The following PAX3 variants were observed in gnomAD, a reference collection of about 807,000 sequenced individuals.
PAX3 encodes the protein paired box protein Pax-3.
In PAX3, 14 loss-of-function variants were observed where a neutral mutation model predicts 51.6. The ratio of observed to expected loss-of-function variants is 0.27; its 90% CI spans 0.18 to 0.42. The LOEUF (loss-of-function observed/expected upper bound fraction) is 0.42, where lower values mean the gene tolerates loss of function less well. Among genes scored for constraint, PAX3 ranks in the 10% least tolerant of loss-of-function variants. The pLI is 1.00. For missense variants in PAX3, 540 were observed against 642.8 expected (o/e 0.84, Z 1.73); for synonymous variants, 280 against 253.4 (o/e 1.11, Z -1.00).
Position 222,232,202 on chromosome 2 carries a change from C to T in PAX3, c.668G>A (p.Arg223Gln), listed in dbSNP as rs876657717. The change falls in exon 5 of 9, where the codon CGA becomes CAA. Residue 223 changes from arginine to glutamine, a missense_variant. Arg to Gln is a conservative substitution (Grantham distance 43, BLOSUM62 1). This residue lies in a region of PAX3 where 427 missense variants were observed against 483.6 expected (regional missense o/e 0.88). Transcript: ENST00000392070. ...CAGCTGTTCTGCTGTGAAGGTGGTTCGGCTTCTGCGCTGTTTCCTCTTTAG... is the reference window on the plus strand; with the variant it reads ...CAGCTGTTCTGCTGTGAAGGTGGTTTGGCTTCTGCGCTGTTTCCTCTTTAG... The part of the protein sequence containing the change: ...LPLKRKQRRS[R>Q]TTFTAEQLEE... 1 of 1,614,044 alleles carries T rather than the reference C, an allele frequency of 6.2e-7. No homozygotes were observed. The highest frequency in any genetic ancestry group is 1.1e-5 in the South Asian group (1 of 91,086).
intron 4 of PAX3, 144 bp downstream of exon 4, chr2:222,294,023 A>C: frequency 6.4e-7 from 1 of 1,551,978 alleles, no homozygotes; most frequent in Non-Finnish European, 8.7e-7. Context: ...TTTCAGTTCC[A>C]TGTCGTTACT....
At chr2:222,208,678 C>A (rs1691604998) in intron 7 of PAX3, among the ~76,000 whole-genome samples, 1 of 152,156 alleles carries the variant, frequency 6.6e-6, no homozygotes, top group Non-Finnish European at 1.5e-5. Flanking sequence ...TGTGCTCAAA[C>A]CTATCACTGT....
chr2:222,262,109 T>A (rs1435170532), intron 4 of PAX3, among the ~76,000 whole-genome samples: 1 of 152,272 alleles, frequency 6.6e-6, no homozygotes, highest in Non-Finnish European at 1.5e-5. Flanking sequence ...TAGACTCATA[T>A]GTTTGGCTTC....
At chr2:222,208,069 T>C (rs1691583637) in intron 7 of PAX3, among the ~76,000 whole-genome samples, 1 of 151,834 alleles carries the variant, frequency 6.6e-6, no homozygotes, top group Non-Finnish European at 1.5e-5. Context: ...ATCACGTCCA[T>C]CTATTATCAG....
At position 222,206,289 on chromosome 2, in the gene PAX3, C is replaced by G. The variant is rs558548807; in HGVS notation, c.1174-4099G>C. Among the ~76,000 whole-genome samples the G allele has an allele frequency of 4.6e-5, 7 of 152,034 alleles. No homozygotes were observed. In the South Asian group the frequency reaches 1.5e-3, roughly 32 times the overall value. ...AAATGCCAGGTAAATCCAGGAGATGCAATGACCAGAAAGAGTTTTTCTTTA... is the reference window on the plus strand; with the variant it reads ...AAATGCCAGGTAAATCCAGGAGATGGAATGACCAGAAAGAGTTTTTCTTTA... On this transcript the variant is annotated intron_variant, in intron 7 of 8. Transcript: ENST00000392070.
At chr2:222,208,041 C>T (rs1691582373) in intron 7 of PAX3, among the ~76,000 whole-genome samples, 1 of 151,022 alleles carries the variant, frequency 6.6e-6, no homozygotes, top group African/African-American at 2.4e-5. Context: ...TTACTTCTAG[C>T]CAGTGATGAA....
At chr2:222,246,523 C>T (rs1467396079) in intron 4 of PAX3, among the ~76,000 whole-genome samples, 4 of 151,560 alleles carry the variant, frequency 2.6e-5, no homozygotes, top group Non-Finnish European at 5.9e-5. Flanking sequence ...AATGATAGTC[C>T]CAGAACCAAA....
chr2:222,251,178 T>C (rs893775563), intron 4 of PAX3, among the ~76,000 whole-genome samples: 6 of 152,222 alleles, frequency 3.9e-5, no homozygotes, highest in African/African-American at 1.4e-4. Context: ...TATGTATACA[T>C]GTGCCATGTT....
intron 4 of PAX3, among the ~76,000 whole-genome samples, chr2:222,273,341 G>T (rs913875281): frequency 6.6e-6 from 1 of 152,128 alleles, no homozygotes; most frequent in Admixed American, 6.5e-5. Context: ...GTGTGCACAC[G>T]CCTGTGTGTC....
In PAX3 at chr2:222,232,271, T is replaced by A; in HGVS notation, c.599A>T (p.Gln200Leu). The A allele has an allele frequency of 1.2e-6, 2 of 1,613,630 alleles. No individual in the cohort carries two copies. Among genetic ancestry groups the A allele is most frequent in the Non-Finnish European group, 8.5e-7 (1 of 1,179,578 alleles). ...GILSERASAPQSDEGSDIDSE... is the reference protein window; with the variant it reads ...GILSERASAPLSDEGSDIDSE... ...GTCAATATCAGAGCCTTCATCTGATTGGGGTGCTGAGGCTAAAAGCACAGA... is the reference window on the plus strand; with the variant it reads ...GTCAATATCAGAGCCTTCATCTGATAGGGGTGCTGAGGCTAAAAGCACAGA... The change falls in exon 5 of 9, where the codon CAA becomes CTA. Residue 200 changes from glutamine to leucine, a missense_variant. Physicochemically the swap from Gln to Leu is moderately radical, Grantham distance 113. Transcript: ENST00000392070.
At chr2:222,282,725 C>T (rs1559307829) in intron 4 of PAX3, among the ~76,000 whole-genome samples, 1 of 152,004 alleles carries the variant, frequency 6.6e-6, no homozygotes, top group Non-Finnish European at 1.5e-5. Flanking sequence ...TCGTGCCAAA[C>T]TTAAATAAAT....
Position 222,241,450 on chromosome 2 carries a change from C to G in PAX3, c.587-9167G>C, listed in dbSNP as rs1192324985. ...GGTTCAGCTTTTCACGGAGCTGCCG[C>G]TAAGTAACTGACTGAATACATAAAA... is the stretch of plus-strand genomic sequence containing the variant. On this transcript the variant is annotated intron_variant, in intron 4 of 8. Transcript: ENST00000392070. Among the ~76,000 whole-genome samples the G allele has an allele frequency of 2.0e-5, 3 of 152,134 alleles. No individual in the cohort carries two copies. In the South Asian group the frequency reaches 6.2e-4, roughly 32 times the overall value.
At chr2:222,246,260 C>T (rs1693224107) in intron 4 of PAX3, among the ~76,000 whole-genome samples, 1 of 152,098 alleles carries the variant, frequency 6.6e-6, no homozygotes, top group South Asian at 2.1e-4. Context: ...TTCTTCCCAC[C>T]CACACCAGCC....
At chr2:222,202,330 C>A in intron 7 of PAX3, 140 bp from the exon 8 acceptor site, 1 of 721,006 alleles carries the variant, frequency 1.4e-6, no homozygotes, top group Non-Finnish European at 2.5e-6. Context: ...ACTATGAACC[C>A]AATTCTAAGT....
intron 7 of PAX3, among the ~76,000 whole-genome samples, chr2:222,205,149 T>C (rs34364313): frequency 0.3 from 45,745 of 151,998 alleles, 8,708 homozygotes; most frequent in Non-Finnish European, 0.43. Flanking sequence ...GAAAATTCAT[T>C]AGGAAAGGAT....
chr2:222,295,708 TGGC>T (rs1695259929), intron 2 of PAX3, 51 bp from the exon 3 acceptor site: 1 of 1,611,062 alleles, frequency 6.2e-7, no homozygotes, highest in African/African-American at 1.3e-5. Context: ...CTGGGCCAGG[TGGC>T]GGCGGCCCCA....
chr2:222,264,709 T>C (rs1470914053), intron 4 of PAX3: 1 of 152,248 alleles, frequency 6.6e-6, no homozygotes, highest in Admixed American at 6.5e-5. Flanking sequence ...AGAGTTAAGT[T>C]GTTAAATTCC....
chr2:222,294,100 C>A, intron 4 of PAX3, 67 bp downstream of exon 4: 1 of 1,607,862 alleles, frequency 6.2e-7, no homozygotes, highest in South Asian at 1.1e-5. Flanking sequence ...GTCAGATCAC[C>A]AATGTCAGCT....
chr2:222,253,538 G>A (rs1693518252), intron 4 of PAX3, among the ~76,000 whole-genome samples: 1 of 151,662 alleles, frequency 6.6e-6, no homozygotes, highest in African/African-American at 2.4e-5. Context: ...CCAGAGAATA[G>A]GACACAACCT....
Sources: allele counts gnomAD v4.1 joint callset (sites outside exome capture counted in the v4.1 genomes callset), GRCh38; gene constraint gnomAD v4.1.1; regional missense constraint gnomAD v4.1.1; transcripts MANE v1.5; gene names NCBI Gene and HGNC (gene_info 2026-07-23, HGNC 2026-07-21).